The following GLRA2 variants were observed in gnomAD, a reference collection of about 807,000 sequenced individuals.
GLRA2 encodes the protein glycine receptor alpha 2.
GLRA2 carries 11 observed loss-of-function variants against 31.6 expected under a neutral mutation model. The ratio of observed to expected loss-of-function variants is 0.35; its 90% CI spans 0.22 to 0.58. GLRA2 has a LOEUF of 0.58. Among genes scored for constraint, GLRA2 ranks in the 20% least tolerant of loss-of-function variants. GLRA2 has a pLI of 0.84. For synonymous variants in GLRA2, 132 were observed against 134.0 expected, an observed-to-expected ratio of 0.99 and a Z score of 0.10; for missense variants, 212 against 351.8, an observed-to-expected ratio of 0.60 and a Z score of 3.18.
intron 7 of GLRA2, among the ~76,000 whole-genome samples, chrX:14,685,176 A>G (rs1353295719): frequency 9.0e-6 from 1 of 111,583 alleles, no homozygotes; most frequent in Non-Finnish European, 1.9e-5. Flanking sequence ...CCACTTGATC[A>G]TGGTGGGTAA....
At chrX:14,533,522 T>TG (rs1248506645) in intron 2 of GLRA2, among the ~76,000 whole-genome samples, 85 of 106,587 alleles carry the variant, frequency 8.0e-4, no homozygotes, top group African/African-American at 2.1e-3. Context: ...TAAATTTTTC[T>TG]GAAAAAAAAA....
At chrX:14,536,929 G>A (rs1028688299) in intron 2 of GLRA2, among the ~76,000 whole-genome samples, 2 of 111,476 alleles carry the variant, frequency 1.8e-5, no homozygotes, top group African/African-American at 6.5e-5. Context: ...ATGATTTTTT[G>A]AGACATTATC....
At chrX:14,704,530 T>C (rs1245359674) in intron 8 of GLRA2, among the ~76,000 whole-genome samples, 1 of 112,351 alleles carries the variant, frequency 8.9e-6, no homozygotes, top group Non-Finnish European at 1.9e-5. Context: ...TGCCTAATCA[T>C]AGTAGTAATT....
chrX:14,452,322 C>T, the GLRA2 span, among the ~76,000 whole-genome samples: 1 of 112,189 alleles, frequency 8.9e-6, no homozygotes, highest in East Asian at 2.8e-4. Flanking sequence ...TGGGCTTAGC[C>T]CCAAATTTCC....
At chrX:14,590,489 T>TA (rs1039854491) in intron 4 of GLRA2, among the ~76,000 whole-genome samples, 5 of 112,138 alleles carry the variant, frequency 4.5e-5, no homozygotes, top group Non-Finnish European at 7.5e-5. Context: ...TAGTTATATA[T>TA]TTTTTTATGG....
At chrX:14,596,160 C>T (rs910792774) in intron 4 of GLRA2, among the ~76,000 whole-genome samples, 1 of 111,117 alleles carries the variant, frequency 9.0e-6, no homozygotes, top group Non-Finnish European at 1.9e-5. Flanking sequence ...TCCCTAACTT[C>T]TTTTGAAATT....
At chrX:14,543,204 T>G in intron 2 of GLRA2, among the ~76,000 whole-genome samples, 1 of 94,354 alleles carries the variant, frequency 1.1e-5, no homozygotes, top group East Asian at 3.2e-4. Context: ...AGCATGCCAC[T>G]TAACCTCTTT....
chrX:14,572,955 C>G (rs1422871418), intron 2 of GLRA2, among the ~76,000 whole-genome samples: 1 of 111,672 alleles, frequency 9.0e-6, no homozygotes, highest in Non-Finnish European at 1.9e-5. Context: ...TAAGAACACA[C>G]TTGTACTTTC....
the GLRA2 span, among the ~76,000 whole-genome samples, chrX:14,470,665 T>C: frequency 1.1e-4 from 12 of 112,093 alleles, no homozygotes; most frequent in African/African-American, 3.2e-4. Flanking sequence ...ACATGAGGGA[T>C]ACACAAAATA....
At chrX:14,557,546 G>A (rs1853780400) in intron 2 of GLRA2, among the ~76,000 whole-genome samples, 1 of 112,497 alleles carries the variant, frequency 8.9e-6, no homozygotes, top group African/African-American at 3.2e-5. Flanking sequence ...TGAAGCAGAA[G>A]AGTAAACTGA....
At chrX:14,618,440 A>G (rs1292160776) in intron 7 of GLRA2, among the ~76,000 whole-genome samples, 1 of 112,026 alleles carries the variant, frequency 8.9e-6, no homozygotes, top group Non-Finnish European at 1.9e-5. Context: ...TATGAATTAA[A>G]CAGAGATATA....
intron 5 of GLRA2, among the ~76,000 whole-genome samples, chrX:14,606,378 T>G (rs1329364728): frequency 9.0e-6 from 1 of 111,357 alleles, no homozygotes; most frequent in Non-Finnish European, 1.9e-5. Flanking sequence ...GAGCTAACTT[T>G]GGATTACCAA....
intron 2 of GLRA2, among the ~76,000 whole-genome samples, chrX:14,549,191 A>G (rs1240208069): frequency 1.8e-5 from 2 of 112,018 alleles, no homozygotes. Flanking sequence ...GGAATTTCAG[A>G]TAGAGAACTG....
intron 4 of GLRA2, among the ~76,000 whole-genome samples, chrX:14,593,456 G>T (rs2090166288): frequency 8.9e-6 from 1 of 112,025 alleles, no homozygotes; most frequent in Non-Finnish European, 1.9e-5. Flanking sequence ...ATAAAATAAA[G>T]GTTTTATTTG....
At chrX:14,663,983 CAGTTT>C (rs1405139212) in intron 7 of GLRA2, among the ~76,000 whole-genome samples, 1 of 111,226 alleles carries the variant, frequency 9.0e-6, no homozygotes, top group East Asian at 2.8e-4. Context: ...ATTAGTCTAG[CAGTTT>C]AGTTTATTTA....
chrX:14,535,066 A>G (rs182500549), intron 2 of GLRA2, among the ~76,000 whole-genome samples: 6 of 111,752 alleles, frequency 5.4e-5, no homozygotes, highest in African/African-American at 1.9e-4. Context: ...TGTGATAACT[A>G]TAAACATGAT....
intron 2 of GLRA2, among the ~76,000 whole-genome samples, chrX:14,550,635 C>G (rs2089547898): frequency 9.0e-6 from 1 of 111,065 alleles, no homozygotes; most frequent in Admixed American, 9.6e-5. Context: ...TGCTTTGATA[C>G]CTGCCATCTT....
At chrX:14,611,860 T>C (rs752195634) in intron 7 of GLRA2, among the ~76,000 whole-genome samples, 24 of 112,050 alleles carry the variant, frequency 2.1e-4, no homozygotes, top group Non-Finnish European at 4.0e-4. Flanking sequence ...GTTGAAGATA[T>C]TAGGTTGGTG....
chrX:14,626,067 A>G (rs969710028), intron 7 of GLRA2, among the ~76,000 whole-genome samples: 1 of 112,164 alleles, frequency 8.9e-6, no homozygotes, highest in African/African-American at 3.2e-5. Context: ...CTCCTTTTAG[A>G]TGCCTTTCAT....
Sources: allele counts gnomAD v4.1 joint callset (sites outside exome capture counted in the v4.1 genomes callset), GRCh38; gene constraint gnomAD v4.1.1; transcripts MANE v1.5; gene names NCBI Gene and HGNC (gene_info 2026-07-23, HGNC 2026-07-21).